The following PHF12 variants were observed in gnomAD, a reference collection of about 807,000 sequenced individuals.
The protein encoded by PHF12 is PHD finger protein 12.
A neutral mutation model predicts 99.8 loss-of-function variants in PHF12; 6 were observed. That is an observed-to-expected ratio of 0.06 (90% CI 0.03 to 0.12). The LOEUF (loss-of-function observed/expected upper bound fraction) is 0.12, where lower values mean the gene tolerates loss of function less well. Ranked by LOEUF, PHF12 falls within the 10% of genes least tolerant of loss-of-function variation. The pLI, the probability that PHF12 is intolerant of heterozygous loss-of-function variation, is 1.00. For missense variants in PHF12, 954 were observed against 1,300.1 expected (o/e 0.73, Z 4.09); for synonymous variants, 480 against 514.9 (o/e 0.93, Z 0.92).
At chr17:28,912,033 C>A (rs2039969902) in intron 9 of PHF12, 1 of 943,606 alleles carries the variant, frequency 1.1e-6, no homozygotes, top group Non-Finnish European at 1.3e-6. Context: ...CAGATTAACT[C>A]TTTCTGAGAA....
intron 2 of PHF12, among the ~76,000 whole-genome samples, chr17:28,937,375 C>T (rs1268939987): frequency 6.6e-6 from 1 of 152,122 alleles, no homozygotes; most frequent in Non-Finnish European, 1.5e-5. Context: ...ATCCCTTATC[C>T]TCCTTCATCC....
At chr17:28,907,354 G>A (rs1442961915) in intron 13 of PHF12, 1 of 552,356 alleles carries the variant, frequency 1.8e-6, no homozygotes. Context: ...TCCCTCTGTT[G>A]TGCCTGTGAC....
rs1168069578 is a variant in PHF12, at chr17:28,907,625, C to T, written c.2506G>A (p.Val836Met). ...AATATGCAGGCATGTTTCCCGGACA[C>T]GTAGTTACAGTGACCATAGTTTGTA... ...CLTNYGHCNYVSGKHACIFYD... is the reference protein window; with the variant it reads ...CLTNYGHCNYMSGKHACIFYD... The change falls in exon 13 of 15, where the codon GTG becomes ATG. Residue 836 changes from valine to methionine, a missense_variant. This residue lies in a region of PHF12 where 143 missense variants were observed against 191.8 expected (regional missense o/e 0.75). Transcript: ENST00000332830. The T allele has an allele frequency of 1.9e-6, 3 of 1,613,974 alleles. No individual in the cohort carries two copies. The highest frequency in any genetic ancestry group is 2.5e-6 in the Non-Finnish European group (3 of 1,179,920).
intron 11 of PHF12, 196 bp downstream of exon 11, chr17:28,910,030 T>C: frequency 2.5e-6 from 2 of 798,370 alleles, no homozygotes. Flanking sequence ...CTTCCCCAAG[T>C]CTGATCAGAA....
rs373671859 is a variant in PHF12 at position 28,950,867 on chromosome 17, G to A, written c.66+28C>T. 4.8e-5 allele frequency: 77 copies of A among 1,611,382 alleles called. 1 individual carries two copies. Among genetic ancestry groups the A allele is most frequent in the Non-Finnish European group, 6.0e-5 (71 of 1,178,448 alleles). On this transcript the variant is annotated intron_variant, in intron 1 of 14. Coordinates refer to ENST00000332830, the MANE Select transcript of PHF12 (RefSeq NM_001033561.2). This position sits in a 1 kb window ranked among gnomAD's most constrained non-coding sequence, Gnocchi z 5.7. ...GCGGAGGTTCCCTCCCGGCGCTGGA[G>A]GAAGGAGATGAGGAGGGCCACTCTT... is the stretch of plus-strand genomic sequence containing the variant.
rs752755726 is a variant in PHF12, at chr17:28,913,957, G to A, written c.1215C>T (p.Ile405=). 1.1e-5 allele frequency: 17 copies of A among 1,613,992 alleles called. No individual in the cohort carries two copies. Among genetic ancestry groups the A allele is most frequent in the Non-Finnish European group, 1.4e-5 (16 of 1,179,904 alleles). ...GTGATTCCTCAGGGATCCCATTGCAGATCAGCTCCCCGTCCCGAATGGCCG... is the reference window on the plus strand; with the variant it reads ...GTGATTCCTCAGGGATCCCATTGCAAATCAGCTCCCCGTCCCGAATGGCCG... ...APAAIRDGEL[I]CNGIPEESQM... The change falls in exon 8 of 15, where the codon ATC becomes ATT. Residue 405 remains isoleucine (I), a synonymous_variant. Coordinates refer to ENST00000332830, the MANE Select transcript of PHF12 (RefSeq NM_001033561.2).
At position 28,912,568 on chromosome 17, in the gene PHF12, C is replaced by T. The variant is rs146206401; in HGVS notation, c.2003G>A (p.Arg668Gln). Residue 668 changes from arginine to glutamine, a missense_variant, in exon 9 of 15, where the codon CGG becomes CAG. Coordinates refer to ENST00000332830, the MANE Select transcript of PHF12 (RefSeq NM_001033561.2). ...RPLGSPPNAT[R>Q]VLTPPQAAGD... ...TGCTGCTTGCGGGGGAGTGAGCACC[C>T]GGGTGGCGTTTGGGGGTGAGCCCAG... 34 of 1,614,028 alleles carry T rather than the reference C, an allele frequency of 2.1e-5. No individual in the cohort carries two copies. Among genetic ancestry groups the T allele is most frequent in the East Asian group, 4.5e-5 (2 of 44,898 alleles).
At chr17:28,910,992 C>G in intron 10 of PHF12, 120 bp downstream of exon 10, 1 of 1,404,306 alleles carries the variant, frequency 7.1e-7, no homozygotes, top group South Asian at 1.4e-5. Flanking sequence ...ATTCCCATCT[C>G]CCCCTAGGCC....
In PHF12 at chr17:28,951,226, G is replaced by C; in HGVS notation, c.-266C>G. ...AGTGGGTCCCGGCTCCGGGGGTCAG[G>C]CCTCGGCGGGGCCTAGTCCCACAGG... On this transcript the variant is annotated 5_prime_UTR_variant, in exon 1 of 15. Transcript: ENST00000332830. 2 of 1,343,646 alleles carry C rather than the reference G, an allele frequency of 1.5e-6. No homozygotes were observed. The highest frequency in any genetic ancestry group is 1.9e-6 in the Non-Finnish European group (2 of 1,047,030). 83.2% of individuals were successfully genotyped at this position (1,343,646 alleles called of 1,614,324 possible). A position where few individuals can be genotyped will look rare whatever the true frequency, so the allele number is the denominator to read the frequency against.
intron 5 of PHF12, among the ~76,000 whole-genome samples, chr17:28,920,623 C>T (rs1351058292): frequency 2.6e-5 from 4 of 152,222 alleles, no homozygotes; most frequent in Non-Finnish European, 5.9e-5. Flanking sequence ...AGTGCAGTGG[C>T]GTGACCTCAG....
chr17:28,907,687 G>C lies in PHF12; in HGVS notation c.2459-15C>G. On this transcript the variant is annotated splice_polypyrimidine_tract_variant and intron_variant, in intron 12 of 14. Transcript: ENST00000332830. ...CATGTCAGCTCCTGCAAGGTGGCAG[G>C]AGTAGAGGAAAAGGAAGGCAGAGAA... 1.2e-6 allele frequency: 2 copies of C among 1,611,858 alleles called. No individual in the cohort carries two copies. Among genetic ancestry groups the C allele is most frequent in the South Asian group, 2.2e-5 (2 of 90,964 alleles).
chr17:28,931,179 T>C (rs1184420498), intron 2 of PHF12, among the ~76,000 whole-genome samples: 3 of 152,124 alleles, frequency 2.0e-5, no homozygotes, highest in East Asian at 3.9e-4. Flanking sequence ...GCTATGAATT[T>C]AGGGAGTAGT....
chr17:28,950,355 T>C lies in PHF12; in HGVS notation c.67-109A>G. Reference sequence around the variant, plus strand: ...CCACCCCTCTCCCCCCTTTTGTCCTTCTTCCTCCCATCCAGGCTGCTCCCA... The same window carrying C: ...CCACCCCTCTCCCCCCTTTTGTCCTCCTTCCTCCCATCCAGGCTGCTCCCA... On this transcript the variant is annotated intron_variant, in intron 1 of 14. Transcript: ENST00000332830. The surrounding 1 kb of genome is among the most constrained non-coding windows in gnomAD (Gnocchi z 5.7). 1.6e-6 allele frequency: 2 copies of C among 1,237,258 alleles called. No individual in the cohort carries two copies. Among genetic ancestry groups the C allele is most frequent in the Non-Finnish European group, 2.2e-6 (2 of 909,202 alleles). 76.6% of individuals were successfully genotyped at this position (1,237,258 alleles called of 1,614,324 possible).
rs533579686 is a variant in PHF12, at chr17:28,934,773, G to C, written c.249-7710C>G. Among the ~76,000 whole-genome samples the C allele has an allele frequency of 2.6e-4, 40 of 152,202 alleles. No individual in the cohort carries two copies. The East Asian group carries it at 7.1e-3, about 27-fold the overall frequency. ...CCGCCACCACGCCCAGCTACTTTTT[G>C]TATTTTTAGTAGAGACAGGGTTTCA... On this transcript the variant is annotated intron_variant, in intron 2 of 14. Transcript: ENST00000332830.
intron 7 of PHF12, among the ~76,000 whole-genome samples, chr17:28,916,407 G>T (rs2040062992): frequency 6.6e-6 from 1 of 152,166 alleles, no homozygotes; most frequent in Non-Finnish European, 1.5e-5. Context: ...CGTTGGTCAG[G>T]CTGGTCTCAA....
intron 2 of PHF12, chr17:28,944,664 A>G (rs1321551771): frequency 2.5e-5 from 5 of 201,002 alleles, no homozygotes; most frequent in Admixed American, 6.5e-5. Context: ...AAAAAAAACA[A>G]AGACAATACG....
intron 3 of PHF12, chr17:28,924,521 C>T (rs2040230643): frequency 1.6e-6 from 1 of 617,698 alleles, no homozygotes; most frequent in East Asian, 2.8e-5. Context: ...CACCAAAAAG[C>T]ATGGTAAGTT....
intron 2 of PHF12, among the ~76,000 whole-genome samples, chr17:28,937,273 T>C (rs1291943563): frequency 6.6e-6 from 1 of 152,212 alleles, no homozygotes; most frequent in Non-Finnish European, 1.5e-5. Flanking sequence ...AGCTTTTCTC[T>C]TCAAGTATGG....
Position 28,951,462 on chromosome 17 carries a change from C to A in PHF12, c.-502G>T, listed in dbSNP as rs1000443880. On this transcript the variant is annotated 5_prime_UTR_variant, in exon 1 of 15. Transcript: ENST00000332830. ...CCGGCTGCCGCGCACTTGGCGCAAA[C>A]TTACCGCGAGCGCCCGCAAAGCCAC... 1.0e-6 allele frequency: 1 copy of A among 985,650 alleles called. No individual in the cohort carries two copies. Among genetic ancestry groups the A allele is most frequent in the Non-Finnish European group, 1.2e-6 (1 of 830,136 alleles). 61.1% of individuals were successfully genotyped at this position (985,650 alleles called of 1,614,324 possible). A position where few individuals can be genotyped will look rare whatever the true frequency, so the allele number is the denominator to read the frequency against.
Sources: allele counts gnomAD v4.1 joint callset (sites outside exome capture counted in the v4.1 genomes callset), GRCh38; gene constraint gnomAD v4.1.1; regional missense constraint gnomAD v4.1.1; non-coding constraint Gnocchi (gnomAD v3.1); transcripts MANE v1.5; gene names NCBI Gene and HGNC (gene_info 2026-07-23, HGNC 2026-07-21).